CARD8: variants seen among roughly 807,000 people sequenced by gnomAD.
The protein encoded by CARD8 is caspase recruitment domain family member 8, also known as caspase recruitment domain-containing protein 8.
CARD8 carries 38 observed loss-of-function variants against 53.2 expected under a neutral mutation model. The observed-to-expected ratio is 0.71, with a 90% CI of 0.55 to 0.94. CARD8 has a LOEUF of 0.94. Among genes scored for constraint, CARD8 ranks in the 40% least tolerant of loss-of-function variants. The pLI, the probability that CARD8 is intolerant of heterozygous loss-of-function variation, is 0.00. For synonymous variants in CARD8, 245 were observed against 244.9 expected (o/e 1.00, Z 0.00); for missense variants, 561 against 655.5 (o/e 0.86, Z 1.57).
At chr19:48,204,114 A>ATG, downstream of CARD8, 1 of 453,212 alleles carries the variant, frequency 2.2e-6, no homozygotes, top group East Asian at 7.0e-5. Context: ...CCTTGTCCAA[A>ATG]GGGTCTGGGC....
intron 10 of CARD8, among the ~76,000 whole-genome samples, chr19:48,224,909 G>A (rs906388342): frequency 5.3e-5 from 8 of 151,650 alleles, no homozygotes; most frequent in Admixed American, 2.6e-4. Context: ...ACCTGCCACC[G>A]TGCCCGGCTA....
chr19:48,204,342 T>A (rs1373210317), downstream of CARD8: 2 of 371,592 alleles, frequency 5.4e-6, no homozygotes, highest in Admixed American at 6.5e-5. Context: ...GGAATCAGTC[T>A]GCAGTAAGGG....
At chr19:48,248,639 G>C (rs8112453) in intron 3 of CARD8, among the ~76,000 whole-genome samples, 5,810 of 152,290 alleles carry the variant, frequency 0.038, 195 homozygotes, top group African/African-American at 0.083. Context: ...CAGTAGTGGA[G>C]ATGACTGAAA....
rs552246381 is a variant in CARD8 at position 48,230,492 on chromosome 19, G to A, written c.981C>T (p.Pro327=). The change falls in exon 10 of 14, where the codon CCC becomes CCT. Residue 327 remains proline (P), a synonymous_variant. Coordinates refer to ENST00000651546, the MANE Select transcript of CARD8 (RefSeq NM_001184900.3). ...GGTACAAGTGGAACTTAATATCTTCGGGGTGGGGGTGATAATAGATCAATG... is the reference window on the plus strand; with the variant it reads ...GGTACAAGTGGAACTTAATATCTTCAGGGTGGGGGTGATAATAGATCAATG... The part of the protein sequence containing the change: ...SNTLIYYHPH[P]EDIKFHLYLV... 472 of 1,613,940 alleles carry A rather than the reference G, an allele frequency of 2.9e-4. 1 individual carries two copies. Among genetic ancestry groups the A allele is most frequent in the Middle Eastern group, 1.8e-3 (11 of 6,062 alleles).
intron 13 of CARD8, among the ~76,000 whole-genome samples, chr19:48,212,415 G>A (rs1009158543): frequency 1.3e-5 from 2 of 152,360 alleles, no homozygotes; most frequent in Admixed American, 6.5e-5. Context: ...GCAGAGCTAT[G>A]AAAGAAGAGA....
chr19:48,241,440 T>G (rs766127085), intron 3 of CARD8, among the ~76,000 whole-genome samples: 3 of 152,120 alleles, frequency 2.0e-5, no homozygotes, highest in South Asian at 2.1e-4. Context: ...ATTTTTAGTA[T>G]AGACAGGGTT....
intron 1 of CARD8, among the ~76,000 whole-genome samples, chr19:48,250,451 G>A (rs953027026): frequency 7.9e-5 from 12 of 152,150 alleles, no homozygotes; most frequent in African/African-American, 2.9e-4. Context: ...ACAAGGATAA[G>A]ACCCCCCCTC....
rs1362496708 is a variant in CARD8 at position 48,232,452 on chromosome 19, C to G, written c.391+1G>C. The G allele has an allele frequency of 3.9e-6, 6 of 1,535,572 alleles. No homozygotes were observed. Among genetic ancestry groups the G allele is most frequent in the African/African-American group, 1.4e-5 (1 of 73,038 alleles). On this transcript the variant is annotated splice_donor_variant, in intron 7 of 13. Coordinates refer to ENST00000651546, the MANE Select transcript of CARD8 (RefSeq NM_001184900.3). LOFTEE classifies it high-confidence loss of function. ...CACTCCTCTCCCTATTAGCCCATTACCTGAATCTTGTCCCTCTGAAGATTC... is the reference window on the plus strand; with the variant it reads ...CACTCCTCTCCCTATTAGCCCATTAGCTGAATCTTGTCCCTCTGAAGATTC...
intron 8 of CARD8, 48 bp from the exon 9 acceptor site, chr19:48,231,054 G>C (rs779478328): frequency 1.3e-6 from 2 of 1,485,522 alleles, no homozygotes; most frequent in South Asian, 2.3e-5. Context: ...CCAGGACTTG[G>C]ATTTAAGCAG....
intron 4 of CARD8, among the ~76,000 whole-genome samples, chr19:48,238,855 C>T (rs2044412565): frequency 6.6e-6 from 1 of 152,180 alleles, no homozygotes; most frequent in Non-Finnish European, 1.5e-5. Flanking sequence ...GATGCCCATG[C>T]TAGAATAAAA....
intron 5 of CARD8, among the ~76,000 whole-genome samples, chr19:48,235,196 T>G (rs1370178666): frequency 6.6e-6 from 1 of 152,154 alleles, no homozygotes; most frequent in Admixed American, 6.5e-5. Context: ...TTTTCTCTTC[T>G]TCATTTTTGA....
chr19:48,246,619 A>C (rs181892700), intron 3 of CARD8, among the ~76,000 whole-genome samples: 1 of 85,670 alleles, frequency 1.2e-5, no homozygotes, highest in East Asian at 4.3e-4. Flanking sequence ...AATCAATAAT[A>C]AAAAAAAACA....
downstream of CARD8, among the ~76,000 whole-genome samples, chr19:48,207,742 T>TTTTTTTGTTTTTTTTTTTTTTTTTTTTTC (rs2037450298): frequency 7.6e-6 from 1 of 132,442 alleles, no homozygotes; most frequent in South Asian, 2.5e-4. Context: ...CTGTTTTTTT[T>TTTTTTTGTTTTTTTTTTTTTTTTTTTTTC]TTTTTTTTTT....
At chr19:48,232,640 T>G (rs966401214) in intron 6 of CARD8, 147 bp from the exon 7 acceptor site, 10 of 735,398 alleles carry the variant, frequency 1.4e-5, no homozygotes, top group Non-Finnish European at 1.9e-5. Context: ...TTGTATGAAT[T>G]AAACTTAGGT....
chr19:48,217,452 C>T (rs1362055261), intron 12 of CARD8, among the ~76,000 whole-genome samples: 1 of 152,200 alleles, frequency 6.6e-6, no homozygotes, highest in Non-Finnish European at 1.5e-5. Flanking sequence ...CCACCACAGA[C>T]AATGCCTCAA....
At chr19:48,231,884 G>T in intron 7 of CARD8, 74 bp from the exon 8 acceptor site, 1 of 1,308,094 alleles carries the variant, frequency 7.6e-7, no homozygotes. Flanking sequence ...CCTGGAGGCT[G>T]AATTGCACAG....
At position 48,218,160 on chromosome 19, in the gene CARD8, T is replaced by TG. The variant is rs566551489; in HGVS notation, c.1303+710_1303+711insC. 1.3e-4 allele frequency among the ~76,000 whole-genome samples: 19 copies of TG among 151,250 alleles called. 1 individual carries two copies. In the South Asian group the frequency reaches 4.0e-3, roughly 32 times the overall value. ...TAATACACTGACAATAGATTTCTCT[T>TG]TTTTTTTTCTTTTTTGGCAAGAACA... On this transcript the variant is annotated intron_variant, in intron 12 of 13. Transcript: ENST00000651546.
chr19:48,240,579 G>A (rs2044803118), intron 4 of CARD8, among the ~76,000 whole-genome samples: 1 of 152,080 alleles, frequency 6.6e-6, no homozygotes, highest in Admixed American at 6.5e-5. Flanking sequence ...GACCAGCCTG[G>A]TCAACATGAT....
At chr19:48,245,915 T>C (rs1056232081) in intron 3 of CARD8, among the ~76,000 whole-genome samples, 3 of 149,922 alleles carry the variant, frequency 2.0e-5, no homozygotes, top group Non-Finnish European at 3.0e-5. Context: ...GATAATTACA[T>C]ATATAATAGT....
Sources: allele counts gnomAD v4.1 joint callset (sites outside exome capture counted in the v4.1 genomes callset), GRCh38; gene constraint gnomAD v4.1.1; transcripts MANE v1.5; gene names NCBI Gene and HGNC (gene_info 2026-07-23, HGNC 2026-07-21).